COG5: variants seen among roughly 807,000 people sequenced by gnomAD.
COG5 encodes the protein conserved oligomeric Golgi complex subunit 5.
Under a neutral mutation model 110.4 loss-of-function variants are expected in COG5, and 86 were observed. That is an observed-to-expected ratio of 0.78 (90% CI 0.65 to 0.93). The LOEUF (loss-of-function observed/expected upper bound fraction) is 0.93. Ranked by LOEUF, COG5 falls within the 40% of genes least tolerant of loss-of-function variation. COG5 has a pLI of 0.00. For missense variants in COG5, 1,077 were observed against 987.0 expected (o/e 1.09, Z -1.22); for synonymous variants, 360 against 334.6 (o/e 1.08, Z -0.83).
At chr7:107,230,588 A>T in intron 19 of COG5, 27 bp downstream of exon 19, 1 of 1,515,274 alleles carries the variant, frequency 6.6e-7, no homozygotes, top group Non-Finnish European at 9.2e-7. Context: ...GAGGATATGA[A>T]TGTATGAACA....
At chr7:107,213,812 T>C (rs752472778) in intron 19 of COG5, among the ~76,000 whole-genome samples, 8 of 152,220 alleles carry the variant, frequency 5.3e-5, no homozygotes, top group Non-Finnish European at 1.0e-4. Context: ...AAGAGGTGGC[T>C]GTCTCCTCAA....
chr7:107,201,553 C>G lies in COG5; in HGVS notation c.*1963G>C. On this transcript the variant is annotated 3_prime_UTR_variant, in exon 22 of 22. Transcript: ENST00000297135. ...TCGTGTGACCATAAGATACTGATAG[C>G]ATTGAGTCTTGAAATGATTTAATAA... 1 of 553,116 alleles carries G rather than the reference C, an allele frequency of 1.8e-6. No homozygotes were observed. Among genetic ancestry groups the G allele is most frequent in the South Asian group, 2.9e-5 (1 of 34,428 alleles). The allele number at this position is 553,116 out of a possible 1,614,324, so 34.3% of individuals were successfully genotyped here.
intron 11 of COG5, among the ~76,000 whole-genome samples, chr7:107,314,518 C>T (rs1261734015): frequency 1.4e-5 from 2 of 143,840 alleles, no homozygotes; most frequent in Admixed American, 1.5e-4. Context: ...CCGAGGCGGG[C>T]AGATCACGAG....
chr7:107,436,659 T>G (rs754416963), intron 6 of COG5, among the ~76,000 whole-genome samples: 2 of 152,242 alleles, frequency 1.3e-5, no homozygotes, highest in Non-Finnish European at 2.9e-5. Context: ...GCATTCATTT[T>G]AAACTTTCAT....
intron 10 of COG5, among the ~76,000 whole-genome samples, chr7:107,348,278 C>T (rs1273379716): frequency 1.3e-5 from 2 of 151,508 alleles, no homozygotes; most frequent in African/African-American, 4.9e-5. Context: ...TGTAATTTTC[C>T]TTTCTTGTAA....
intron 6 of COG5, among the ~76,000 whole-genome samples, chr7:107,434,997 G>A (rs183456247): frequency 4.7e-4 from 71 of 151,560 alleles, no homozygotes; most frequent in Non-Finnish European, 9.3e-4. Context: ...ACAAAATCCT[G>A]TCACATATTG....
At chr7:107,559,632 C>G (rs903596064) in intron 1 of COG5, among the ~76,000 whole-genome samples, 4 of 152,176 alleles carry the variant, frequency 2.6e-5, no homozygotes, top group African/African-American at 7.2e-5. Flanking sequence ...AAGGCTCATA[C>G]TCTTGATTAT....
chr7:107,477,188 T>A (rs1306071127), intron 6 of COG5, among the ~76,000 whole-genome samples: 1 of 151,684 alleles, frequency 6.6e-6, no homozygotes, highest in African/African-American at 2.4e-5. Context: ...CTCCTAATCT[T>A]CTTTTATTTT....
At chr7:107,324,388 TA>T in intron 11 of COG5, 51 bp downstream of exon 11, 1 of 1,175,238 alleles carries the variant, frequency 8.5e-7, no homozygotes, top group Non-Finnish European at 1.3e-6. Flanking sequence ...CATCAAATGA[TA>T]AAATAACTTA....
chr7:107,302,941 A>G (rs1341975715), intron 11 of COG5, among the ~76,000 whole-genome samples: 2 of 152,216 alleles, frequency 1.3e-5, no homozygotes, highest in Admixed American at 1.3e-4. Flanking sequence ...AGTTCTAAAC[A>G]TATTTGTTTG....
intron 10 of COG5, among the ~76,000 whole-genome samples, chr7:107,357,775 C>A (rs920653683): frequency 2.0e-5 from 3 of 152,146 alleles, no homozygotes; most frequent in Admixed American, 1.3e-4. Flanking sequence ...CTCAAGCAAT[C>A]CTCCTGCTTC....
chr7:107,530,601 CAAAAAAAAAAAAAA>C (rs953588412), intron 5 of COG5, among the ~76,000 whole-genome samples: 1 of 47,768 alleles, frequency 2.1e-5, no homozygotes, highest in Non-Finnish European at 4.0e-5. Flanking sequence ...AACTCCATCT[CAAAAAAAAAAAAAA>C]AAAAAAAAAA....
At chr7:107,251,133 C>CA (rs564589238) in intron 16 of COG5, among the ~76,000 whole-genome samples, 6,754 of 54,478 alleles carry the variant, frequency 0.12, 265 homozygotes, top group African/African-American at 0.15. Flanking sequence ...TGAAACTAGC[C>CA]AAAAAAAAAA....
chr7:107,467,480 G>A (rs1262688254), intron 6 of COG5, among the ~76,000 whole-genome samples: 4 of 151,908 alleles, frequency 2.6e-5, no homozygotes, highest in Admixed American at 6.6e-5. Context: ...CCTCAACCTC[G>A]CGAGGAGCTG....
At chr7:107,316,114 A>G (rs1808715834) in intron 11 of COG5, among the ~76,000 whole-genome samples, 1 of 152,226 alleles carries the variant, frequency 6.6e-6, no homozygotes, top group African/African-American at 2.4e-5. Context: ...ACACCAAAAA[A>G]TGCAAACTAC....
intron 19 of COG5, among the ~76,000 whole-genome samples, chr7:107,222,987 T>C (rs1800057265): frequency 6.6e-6 from 1 of 152,114 alleles, no homozygotes; most frequent in Admixed American, 6.5e-5. Flanking sequence ...AGGCCAATCA[T>C]GAAGTAAAGT....
At chr7:107,383,330 A>G (rs1815292328) in intron 7 of COG5, among the ~76,000 whole-genome samples, 1 of 152,114 alleles carries the variant, frequency 6.6e-6, no homozygotes, top group African/African-American at 2.4e-5. Context: ...ACTGGACCTG[A>G]GGGATCCAGA....
At chr7:107,279,980 C>G (rs1805036969) in intron 14 of COG5, among the ~76,000 whole-genome samples, 1 of 152,084 alleles carries the variant, frequency 6.6e-6, no homozygotes, top group African/African-American at 2.4e-5. Context: ...CCTCCCTACT[C>G]TCAATGCAAG....
At chr7:107,512,500 C>G (rs1799598724) in intron 6 of COG5, among the ~76,000 whole-genome samples, 1 of 152,038 alleles carries the variant, frequency 6.6e-6, no homozygotes, top group Admixed American at 6.6e-5. Context: ...CAATGCCATC[C>G]CCATCAAGCT....
Sources: allele counts gnomAD v4.1 joint callset (sites outside exome capture counted in the v4.1 genomes callset), GRCh38; gene constraint gnomAD v4.1.1; transcripts MANE v1.5; gene names NCBI Gene and HGNC (gene_info 2026-07-23, HGNC 2026-07-21).